NUP58: variants seen among roughly 807,000 people sequenced by gnomAD.
The protein encoded by NUP58 is nucleoporin p58/p45.
In NUP58, 17 loss-of-function variants were observed where a neutral mutation model predicts 70.1. That is an observed-to-expected ratio of 0.24 (90% CI 0.17 to 0.36). NUP58 has a LOEUF of 0.36. Among genes scored for constraint, NUP58 ranks in the 10% least tolerant of loss-of-function variants. NUP58 has a pLI of 1.00. For synonymous variants in NUP58, 275 were observed against 257.6 expected, an observed-to-expected ratio of 1.07 and a Z score of -0.65; for missense variants, 644 against 701.5, an observed-to-expected ratio of 0.92 and a Z score of 0.93.
At chr13:25,321,566 T>C (rs898289167) in intron 9 of NUP58, among the ~76,000 whole-genome samples, 1 of 152,212 alleles carries the variant, frequency 6.6e-6, no homozygotes, top group Admixed American at 6.5e-5. Flanking sequence ...ATAAAAATTA[T>C]ATCATGCTGT....
chr13:25,332,356 A>G, intron 13 of NUP58: 1 of 985,378 alleles, frequency 1.0e-6, no homozygotes, highest in Non-Finnish European at 1.2e-6. Flanking sequence ...TCGGAGGTTA[A>G]TAGTTATCTT....
chr13:25,347,005 A>G (rs2032058256), downstream of NUP58, among the ~76,000 whole-genome samples: 2 of 152,326 alleles, frequency 1.3e-5, no homozygotes, highest in East Asian at 1.9e-4. Flanking sequence ...GAATATTTTC[A>G]TATACATAAT....
intron 13 of NUP58, 24 bp from the exon 14 acceptor site, chr13:25,336,912 A>G (rs1481820981): frequency 3.2e-6 from 4 of 1,256,628 alleles, no homozygotes; most frequent in South Asian, 3.0e-5. Flanking sequence ...TTTCCCCCCC[A>G]TTTTTTTTTT....
chr13:25,312,350 T>G (rs187774118), intron 3 of NUP58, among the ~76,000 whole-genome samples: 2 of 152,210 alleles, frequency 1.3e-5, no homozygotes, highest in Admixed American at 1.3e-4. Context: ...ATATGTTACA[T>G]CGATTGGATT....
intron 9 of NUP58, among the ~76,000 whole-genome samples, chr13:25,322,965 A>G (rs2031247565): frequency 6.6e-6 from 1 of 152,198 alleles, no homozygotes. Flanking sequence ...GAGCAAAATA[A>G]TGGAGGAGGC....
In NUP58 at chr13:25,313,682, C is replaced by G. The variant is rs144337938; in HGVS notation, c.505C>G (p.Leu169Val). 1.3e-6 allele frequency: 2 copies of G among 1,531,518 alleles called. No individual in the cohort carries two copies. The highest frequency in any genetic ancestry group is 5.2e-5 in the East Asian group (2 of 38,744). The allele number at this position is 1,531,518 out of a possible 1,614,324, so 94.9% of individuals were successfully genotyped here. ...CACAACTACAACTGCATCAACAGGC[C>G]TCTCTTTAGGGGGAGCCTTAGCTGG... Reference protein sequence around the residue: ...TATTTTASTGLSLGGALAGLG... With the variant: ...TATTTTASTGVSLGGALAGLG... Residue 169 changes from leucine (L) to valine (V), a missense_variant, in exon 5 of 16, where the codon CTC becomes GTC. Coordinates refer to ENST00000381736, the MANE Select transcript of NUP58 (RefSeq NM_014089.4).
rs917276535 is a variant in NUP58 at position 25,341,430 on chromosome 13, A to G, written c.*1296A>G. 6 of 152,610 alleles carry G rather than the reference A, an allele frequency of 3.9e-5. No homozygotes were observed. Among genetic ancestry groups the G allele is most frequent in the African/African-American group, 1.4e-4 (6 of 41,442 alleles). 9.5% of individuals were successfully genotyped at this position (152,610 alleles called of 1,614,324 possible). On this transcript the variant is annotated 3_prime_UTR_variant, in exon 16 of 16. Transcript: ENST00000381736. ...TGAGAACTTTTCTAGCTATTCCAAT[A>G]CAGAGTTCTTTCTTATAGGGCTATT...
chr13:25,329,417 C>G (rs896564848), intron 12 of NUP58, among the ~76,000 whole-genome samples: 1 of 152,080 alleles, frequency 6.6e-6, no homozygotes, highest in African/African-American at 2.4e-5. Flanking sequence ...GAAAATATAT[C>G]ATTTTTGGTA....
intron 1 of NUP58, chr13:25,302,861 TCTACTCG>T: frequency 2.3e-6 from 1 of 425,664 alleles, no homozygotes; most frequent in South Asian, 1.7e-5. Flanking sequence ...TTATTCTTAC[TCTACTCG>T]CTCAACAACA....
At chr13:25,346,273 C>T (rs2032049020), downstream of NUP58, among the ~76,000 whole-genome samples, 1 of 152,034 alleles carries the variant, frequency 6.6e-6, no homozygotes, top group Admixed American at 6.6e-5. Flanking sequence ...CTTTTTTTTA[C>T]AGGTGAGAAA....
intron 1 of NUP58, among the ~76,000 whole-genome samples, chr13:25,305,924 T>G (rs1202388258): frequency 2.0e-5 from 3 of 152,150 alleles, no homozygotes; most frequent in Admixed American, 6.6e-5. Flanking sequence ...GTTATTTGTG[T>G]TGTTTATCCC....
chr13:25,310,680 T>G (rs2030621348), intron 3 of NUP58, among the ~76,000 whole-genome samples: 1 of 152,098 alleles, frequency 6.6e-6, no homozygotes, highest in Non-Finnish European at 1.5e-5. Flanking sequence ...TTTCTGAGGT[T>G]GTAACCCCAT....
At chr13:25,304,766 G>T (rs550597965) in intron 1 of NUP58, among the ~76,000 whole-genome samples, 54 of 151,634 alleles carry the variant, frequency 3.6e-4, no homozygotes, top group African/African-American at 1.2e-3. Flanking sequence ...CTGACTTCAG[G>T]TGATCCATCC....
chr13:25,341,463 A>G lies in NUP58; in HGVS notation c.*1329A>G, dbSNP rs141908988. On this transcript the variant is annotated 3_prime_UTR_variant, in exon 16 of 16. Coordinates refer to ENST00000381736, the MANE Select transcript of NUP58 (RefSeq NM_014089.4). Reference sequence around the variant, plus strand: ...CTTTCTTATAGGGCTATTGATATTGACACCAAATGGAGTGGCTTCTCAGCC... The same window carrying G: ...CTTTCTTATAGGGCTATTGATATTGGCACCAAATGGAGTGGCTTCTCAGCC... 43 of 152,752 alleles carry G rather than the reference A, an allele frequency of 2.8e-4. No homozygotes were observed. Among genetic ancestry groups the G allele is most frequent in the African/African-American group, 9.9e-4 (41 of 41,568 alleles). 9.5% of individuals were successfully genotyped at this position (152,752 alleles called of 1,614,324 possible). A position where few individuals can be genotyped will look rare whatever the true frequency, so the allele number is the denominator to read the frequency against.
chr13:25,332,184 G>A, intron 13 of NUP58: 3 of 986,060 alleles, frequency 3.0e-6, no homozygotes, highest in Non-Finnish European at 3.6e-6. Context: ...AAGATGTTTT[G>A]AGATGTGGAT....
Position 25,340,107 on chromosome 13 carries a change from A to T in NUP58, c.1773A>T (p.Pro591=), listed in dbSNP as rs757820226. ...AACTCCTTCAGTTGAAGAAACCTCC[A>T]GCTGGAAACAAAAGAGGAAAAAGAT... ...GGQLLQLKKP[P]AGNKRGKR The change falls in exon 16 of 16, where the codon CCA becomes CCT. Residue 591 remains proline (P), a synonymous_variant. Coordinates refer to ENST00000381736, the MANE Select transcript of NUP58 (RefSeq NM_014089.4). 2 of 1,613,058 alleles carry T rather than the reference A, an allele frequency of 1.2e-6. No homozygotes were observed. The highest frequency in any genetic ancestry group is 8.5e-7 in the Non-Finnish European group (1 of 1,179,660).
At position 25,307,916 on chromosome 13, in the gene NUP58, C is replaced by T. The variant is rs1468000623; in HGVS notation, c.218C>T (p.Ala73Val). ...FGTGLFGSKP[A>V]TGFTLGGTNT... ...ACCGGGCTCTTTGGATCTAAACCTG[C>T]CACTGGGTTCACTCTAGGAGGAACA... The change falls in exon 2 of 16, where the codon GCC becomes GTC. Residue 73 changes from alanine (A) to valine (V), a missense_variant. By Grantham distance (64) the Ala-to-Val change is moderately conservative. Around this residue, in one of 4 missense-constraint regions of NUP58, gnomAD observed 430 missense variants for 409.2 expected, o/e 1.05. Coordinates refer to ENST00000381736, the MANE Select transcript of NUP58 (RefSeq NM_014089.4). 1 of 1,614,000 alleles carries T rather than the reference C, an allele frequency of 6.2e-7. No individual in the cohort carries two copies. The highest frequency in any genetic ancestry group is 8.5e-7 in the Non-Finnish European group (1 of 1,180,024).
chr13:25,326,369 TG>T (rs1373592012), intron 10 of NUP58, among the ~76,000 whole-genome samples: 1 of 152,020 alleles, frequency 6.6e-6, no homozygotes, highest in Non-Finnish European at 1.5e-5. Context: ...GCACTCTCTG[TG>T]GGTAAATTTA....
Position 25,340,270 on chromosome 13 carries a change from A to G in NUP58, c.*136A>G, listed in dbSNP as rs1406002074. ...ATATTTTTCCCTACTCTGGAATTTGAACTTTCTTCATGTTTGCCATACTGA... is the reference window on the plus strand; with the variant it reads ...ATATTTTTCCCTACTCTGGAATTTGGACTTTCTTCATGTTTGCCATACTGA... On this transcript the variant is annotated 3_prime_UTR_variant, in exon 16 of 16. Coordinates refer to ENST00000381736, the MANE Select transcript of NUP58 (RefSeq NM_014089.4). 2.4e-6 allele frequency: 2 copies of G among 820,384 alleles called. No homozygotes were observed. The highest frequency in any genetic ancestry group is 3.2e-5 in the East Asian group (1 of 30,894). 50.8% of individuals were successfully genotyped at this position (820,384 alleles called of 1,614,324 possible). A position where few individuals can be genotyped will look rare whatever the true frequency, so the allele number is the denominator to read the frequency against.
Sources: gnomAD v4.1 joint callset for allele counts (sites outside exome capture counted in the v4.1 genomes callset) on GRCh38, gnomAD v4.1.1 for gene constraint, gnomAD v4.1.1 regional missense constraint, MANE v1.5 for transcripts, NCBI Gene and HGNC (gene_info 2026-07-23, HGNC 2026-07-21) for gene names.